The following ACO1 variants were observed in gnomAD, a reference collection of about 807,000 sequenced individuals.
ACO1 encodes the protein cytoplasmic aconitate hydratase.
ACO1 carries 78 observed loss-of-function variants against 105.1 expected under a neutral mutation model. The ratio of observed to expected loss-of-function variants is 0.74; its 90% CI spans 0.62 to 0.90. The LOEUF (loss-of-function observed/expected upper bound fraction) is 0.90, where lower values mean the gene tolerates loss of function less well. Among genes scored for constraint, ACO1 ranks in the 40% least tolerant of loss-of-function variants. The pLI, the probability that ACO1 is intolerant of heterozygous loss-of-function variation, is 0.00. For synonymous variants in ACO1, 364 were observed against 397.4 expected (o/e 0.92, Z 1.00); for missense variants, 965 against 1,111.1 (o/e 0.87, Z 1.87).
Position 32,434,632 on chromosome 9 carries a change from C to A in ACO1, c.2030C>A (p.Thr677Asn). The A allele has an allele frequency of 6.2e-7, 1 of 1,614,114 alleles. No homozygotes were observed. The highest frequency in any genetic ancestry group is 8.5e-7 in the Non-Finnish European group (1 of 1,179,988). ...VLLNLGDSVT[T>N]DHISPAGNIA... ...CTAAATTTGGGAGATTCGGTAACAACTGACCACATCTCCCCAGCTGGAAAT... is the reference window on the plus strand; with the variant it reads ...CTAAATTTGGGAGATTCGGTAACAAATGACCACATCTCCCCAGCTGGAAAT... Residue 677 changes from threonine (T) to asparagine (N), a missense_variant, in exon 17 of 21, where the codon ACT becomes AAT. Physicochemically the swap from Thr to Asn is moderately conservative, Grantham distance 65. Coordinates refer to ENST00000309951, the MANE Select transcript of ACO1 (RefSeq NM_002197.3).
chr9:32,394,984 T>C (rs1821342222), intron 1 of ACO1, among the ~76,000 whole-genome samples: 1 of 152,176 alleles, frequency 6.6e-6, no homozygotes. Context: ...CAATCTCTTG[T>C]GGTGATGGCC....
intron 4 of ACO1, among the ~76,000 whole-genome samples, chr9:32,410,033 T>C (rs912465323): frequency 1.3e-5 from 2 of 152,172 alleles, no homozygotes; most frequent in African/African-American, 4.8e-5. Flanking sequence ...CAAGTAGTAA[T>C]GGTCAATTTT....
In ACO1 at chr9:32,424,644, T is replaced by A. The variant is rs1460703568; in HGVS notation, c.1167T>A (p.Phe389Leu). The change falls in exon 10 of 21, where the codon TTT (phenylalanine) becomes TTA (leucine). Residue 389 changes from phenylalanine (F) to leucine (L), a missense_variant. Physicochemically the swap from Phe to Leu is conservative, Grantham distance 22. Coordinates refer to ENST00000309951, the MANE Select transcript of ACO1 (RefSeq NM_002197.3). ...CTGTGTCCGACATGAAAAAGGACTT[T>A]GAGAGCTGCCTTGGAGCCAAGGTAG... ...KVAVSDMKKD[F>L]ESCLGAKQGF... The A allele has an allele frequency of 6.2e-7, 1 of 1,614,014 alleles. No homozygotes were observed. The highest frequency in any genetic ancestry group is 2.2e-5 in the East Asian group (1 of 44,872).
intron 19 of ACO1, among the ~76,000 whole-genome samples, chr9:32,446,684 G>T (rs1228545238): frequency 6.6e-6 from 1 of 152,104 alleles, no homozygotes; most frequent in East Asian, 1.9e-4. Flanking sequence ...TAGCATCGAT[G>T]GTCTTTACAA....
At chr9:32,419,612 C>G (rs1218738074) in intron 7 of ACO1, among the ~76,000 whole-genome samples, 1 of 152,254 alleles carries the variant, frequency 6.6e-6, no homozygotes, top group Admixed American at 6.5e-5. Context: ...AAGAATCATT[C>G]CCATGCATGT....
intron 4 of ACO1, among the ~76,000 whole-genome samples, chr9:32,409,630 C>T (rs980638155): frequency 1.3e-5 from 2 of 152,080 alleles, no homozygotes; most frequent in African/African-American, 4.8e-5. Context: ...GCAGGAGGAT[C>T]GCTTGAGCCC....
chr9:32,425,466 A>T (rs1460563653), intron 10 of ACO1, among the ~76,000 whole-genome samples: 1 of 152,248 alleles, frequency 6.6e-6, no homozygotes, highest in Admixed American at 6.5e-5. Context: ...TAATCAGTCC[A>T]TATCCATTAA....
At chr9:32,401,367 A>G (rs1401655932) in intron 1 of ACO1, among the ~76,000 whole-genome samples, 1 of 150,414 alleles carries the variant, frequency 6.6e-6, no homozygotes, top group African/African-American at 2.4e-5. Context: ...TTTGCATTTC[A>G]CTGGAGGGCA....
intron 1 of ACO1, among the ~76,000 whole-genome samples, chr9:32,399,968 T>TTTTTTTTTTTTTTTTTTTTTTTTTG (rs1821457328): frequency 9.2e-5 from 4 of 43,706 alleles, no homozygotes; most frequent in Admixed American, 2.4e-4. Flanking sequence ...CTTTTTCTGT[T>TTTTTTTTTTTTTTTTTTTTTTTTTG]TTTTTTTTTT....
At chr9:32,387,332 G>A (rs1334476925) in intron 1 of ACO1, among the ~76,000 whole-genome samples, 1 of 152,186 alleles carries the variant, frequency 6.6e-6, no homozygotes, top group African/African-American at 2.4e-5. Context: ...ACTAGCATTT[G>A]TGCATATCTC....
chr9:32,384,720 C>G lies in ACO1; in HGVS notation c.-38C>G, dbSNP rs1279712374. The G allele has an allele frequency of 4.9e-6, 2 of 411,644 alleles. No individual in the cohort carries two copies. 25.5% of individuals were successfully genotyped at this position (411,644 alleles called of 1,614,324 possible). On this transcript the variant is annotated 5_prime_UTR_variant, in exon 1 of 21. Transcript: ENST00000309951. The stretch of plus-strand genomic sequence containing the variant: ...TCAGGTTCGCCGGTCGCGGGAGCCC[C>G]GCCGTGCAGTCGGAGGTGAGTACCG...
intron 19 of ACO1, among the ~76,000 whole-genome samples, chr9:32,448,422 G>A (rs1318747868): frequency 6.6e-6 from 1 of 152,262 alleles, no homozygotes. Context: ...TGTGCTAGCA[G>A]CAAGAATTTC....
At chr9:32,418,539 T>G (rs200294382) in intron 6 of ACO1, 28 bp downstream of exon 6, 1 of 1,590,824 alleles carries the variant, frequency 6.3e-7, no homozygotes, top group African/African-American at 1.3e-5. Flanking sequence ...TATGCTGTTT[T>G]GGGGCATGCA....
At chr9:32,435,038 G>C (rs1429063896) in intron 17 of ACO1, among the ~76,000 whole-genome samples, 2 of 151,564 alleles carry the variant, frequency 1.3e-5, no homozygotes, top group African/African-American at 4.8e-5. Flanking sequence ...GGCAGAACCT[G>C]ACACGCATTG....
At chr9:32,408,387 C>G in intron 3 of ACO1, 127 bp from the exon 4 acceptor site, 1 of 1,062,192 alleles carries the variant, frequency 9.4e-7, no homozygotes, top group Non-Finnish European at 1.4e-6. Context: ...TTTTCTAAGT[C>G]TCACCCATTG....
intron 19 of ACO1, chr9:32,445,766 CCTCTACA>C (rs1426882999): frequency 4.6e-5 from 8 of 174,744 alleles, no homozygotes; most frequent in Non-Finnish European, 8.7e-5. Context: ...TGTAAATTTC[CCTCTACA>C]CACTGCTTTA....
At chr9:32,418,303 T>G in intron 5 of ACO1, 25 bp from the exon 6 acceptor site, 2 of 1,613,670 alleles carry the variant, frequency 1.2e-6, no homozygotes. Flanking sequence ...GCGTTCATAG[T>G]GTTCTTTCCA....
chr9:32,414,457 C>G (rs1298739689), intron 4 of ACO1, among the ~76,000 whole-genome samples: 2 of 152,174 alleles, frequency 1.3e-5, no homozygotes, highest in African/African-American at 4.8e-5. Flanking sequence ...TTGAGCCAAG[C>G]TCCATATAAT....
intron 12 of ACO1, among the ~76,000 whole-genome samples, chr9:32,428,807 G>A (rs2118504282): frequency 6.6e-6 from 1 of 152,084 alleles, no homozygotes; most frequent in East Asian, 1.9e-4. Flanking sequence ...TAGCGCCACT[G>A]CACTCCAGCC....
Sources: gnomAD v4.1 joint callset for allele counts (sites outside exome capture counted in the v4.1 genomes callset) on GRCh38, gnomAD v4.1.1 for gene constraint, MANE v1.5 for transcripts, NCBI Gene and HGNC (gene_info 2026-07-23, HGNC 2026-07-21) for gene names.